The following MIGA1 variants were observed in gnomAD, a reference collection of about 807,000 sequenced individuals.
The protein encoded by MIGA1 is mitoguardin 1, also known as family with sequence similarity 73, member A.
A neutral mutation model predicts 82.0 loss-of-function variants in MIGA1; 58 were observed. The observed-to-expected ratio is 0.71, with a 90% CI of 0.57 to 0.88. The LOEUF (loss-of-function observed/expected upper bound fraction) is 0.88. MIGA1 is among the 40% of genes least tolerant of loss of function. The pLI, the probability that MIGA1 is intolerant of heterozygous loss-of-function variation, is 0.00. For synonymous variants in MIGA1, 249 were observed against 253.6 expected (o/e 0.98, Z 0.17); for missense variants, 751 against 749.1 (o/e 1.00, Z -0.03).
intron 2 of MIGA1, among the ~76,000 whole-genome samples, chr1:77,786,240 G>A (rs930883694): frequency 5.3e-5 from 8 of 152,206 alleles, no homozygotes; most frequent in African/African-American, 1.4e-4. Flanking sequence ...CACACAGCAC[G>A]GGGACACTGG....
intron 7 of MIGA1, among the ~76,000 whole-genome samples, chr1:77,840,727 G>T (rs576288589): frequency 6.6e-6 from 1 of 152,102 alleles, no homozygotes; most frequent in Non-Finnish European, 1.5e-5. Flanking sequence ...CAGGAGAATC[G>T]CTTGAATCTG....
chr1:77,825,400 C>T (rs1683992157), intron 7 of MIGA1, among the ~76,000 whole-genome samples: 1 of 152,138 alleles, frequency 6.6e-6, no homozygotes, highest in Admixed American at 6.6e-5. Flanking sequence ...AAACGTTTTC[C>T]TTATTCACTT....
Position 77,858,834 on chromosome 1 carries a change from G to A in MIGA1, c.997-104G>A, listed in dbSNP as rs189824343. 5.1e-5 allele frequency: 34 copies of A among 667,404 alleles called. No individual in the cohort carries two copies. In the East Asian group the frequency reaches 8.4e-4, roughly 16 times the overall value. 41.3% of individuals were successfully genotyped at this position (667,404 alleles called of 1,614,324 possible). ...AGGGTCTTACCATGTTACCCAGGCT[G>A]GTTTCAAACTTCTGGGTTCAAATGA... On this transcript the variant is annotated intron_variant, in intron 8 of 15. Transcript: ENST00000370791.
At chr1:77,871,637 AC>A (rs968843429) in intron 14 of MIGA1, among the ~76,000 whole-genome samples, 8 of 152,234 alleles carry the variant, frequency 5.3e-5, no homozygotes, top group African/African-American at 1.9e-4. Flanking sequence ...AACAAATCCC[AC>A]AGTGTGTTAT....
At position 77,866,330 on chromosome 1, in the gene MIGA1, G is replaced by A. The variant is rs1387203584; in HGVS notation, c.1510-8G>A. On this transcript the variant is annotated splice_region_variant and splice_polypyrimidine_tract_variant and intron_variant, in intron 13 of 15. Transcript: ENST00000370791. ...ATATAAATCTTTCTTTTCTCTGCAT[G>A]TATTTAGGCTGTGGCTTCAAGTTGT... is the stretch of plus-strand genomic sequence containing the variant. The A allele has an allele frequency of 8.7e-6, 14 of 1,613,536 alleles. No homozygotes were observed. Among genetic ancestry groups the A allele is most frequent in the Non-Finnish European group, 1.2e-5 (14 of 1,179,614 alleles).
chr1:77,863,755 A>C (rs1685557790), intron 12 of MIGA1, 139 bp from the exon 13 acceptor site: 2 of 591,382 alleles, frequency 3.4e-6, no homozygotes, highest in African/African-American at 2.0e-5. Context: ...TTTCATATTT[A>C]TCTCTCCTTT....
chr1:77,874,469 T>C (rs1646878218), intron 15 of MIGA1, among the ~76,000 whole-genome samples: 1 of 152,164 alleles, frequency 6.6e-6, no homozygotes, highest in South Asian at 2.1e-4. Flanking sequence ...AAAGGTCACA[T>C]TGAAGGGAAA....
At chr1:77,779,804 C>G in intron 1 of MIGA1, 68 bp downstream of exon 1, 1 of 1,490,360 alleles carries the variant, frequency 6.7e-7, no homozygotes, top group Admixed American at 2.2e-5. Flanking sequence ...AGCGGCCACG[C>G]AGTTGGGGCA....
intron 7 of MIGA1, among the ~76,000 whole-genome samples, chr1:77,820,342 A>G (rs1683754598): frequency 6.6e-6 from 1 of 152,176 alleles, no homozygotes; most frequent in Non-Finnish European, 1.5e-5. Flanking sequence ...ATTATCCTAC[A>G]TCTGTATAAT....
chr1:77,783,211 ATT>A lies in MIGA1; in HGVS notation c.82-20_82-19del, dbSNP rs764881791. On this transcript the variant is annotated intron_variant, in intron 1 of 15. Transcript: ENST00000370791. ...AAGTAACCAGAAATCTTTGTGGCTA[ATT>A]TTTTTTATGTTTCATTTAATGAAGA... is the stretch of plus-strand genomic sequence containing the variant. The A allele has an allele frequency of 2.0e-6, 3 of 1,464,498 alleles. No individual in the cohort carries two copies. The African/African-American group carries it at 4.2e-5, about 20-fold the overall frequency. 90.7% of individuals were successfully genotyped at this position (1,464,498 alleles called of 1,614,324 possible).
intron 2 of MIGA1, among the ~76,000 whole-genome samples, chr1:77,791,540 C>T (rs1436162041): frequency 6.7e-6 from 1 of 148,284 alleles, no homozygotes; most frequent in African/African-American, 2.5e-5. Context: ...GGGATAAATG[C>T]TCAGAAGTAG....
At chr1:77,780,996 C>T (rs938423789) in intron 1 of MIGA1, among the ~76,000 whole-genome samples, 15 of 151,148 alleles carry the variant, frequency 9.9e-5, no homozygotes, top group African/African-American at 3.6e-4. Context: ...AACCTCCGCC[C>T]CTAGGGTTCT....
intron 7 of MIGA1, among the ~76,000 whole-genome samples, chr1:77,831,526 A>G (rs1248366731): frequency 6.6e-6 from 1 of 152,074 alleles, no homozygotes; most frequent in Non-Finnish European, 1.5e-5. Context: ...ATTAGGCTTC[A>G]GTTGGCCACA....
intron 7 of MIGA1, among the ~76,000 whole-genome samples, chr1:77,829,395 G>GAT (rs1435333931): frequency 6.6e-6 from 1 of 152,176 alleles, no homozygotes; most frequent in Non-Finnish European, 1.5e-5. Context: ...AAGCTGTAGT[G>GAT]AGCTAGGATG....
chr1:77,869,823 C>T (rs1402707919), intron 14 of MIGA1, among the ~76,000 whole-genome samples: 2 of 96,738 alleles, frequency 2.1e-5, no homozygotes, highest in African/African-American at 4.3e-5. Context: ...CGGGCAGAGG[C>T]GCCCCTCACC....
intron 2 of MIGA1, among the ~76,000 whole-genome samples, chr1:77,793,337 A>G (rs1275543629): frequency 6.6e-6 from 1 of 152,004 alleles, no homozygotes; most frequent in African/African-American, 2.4e-5. Context: ...TCCTGAGCTC[A>G]AGCAGTCTGT....
intron 13 of MIGA1, 98 bp from the exon 14 acceptor site, chr1:77,866,240 T>C: frequency 2.8e-6 from 3 of 1,054,542 alleles, no homozygotes; most frequent in Non-Finnish European, 2.9e-6. Flanking sequence ...GTAATGAATG[T>C]ATTGAACGTT....
intron 8 of MIGA1, among the ~76,000 whole-genome samples, chr1:77,858,167 C>G (rs1230190665): frequency 6.6e-6 from 1 of 151,966 alleles, no homozygotes; most frequent in Non-Finnish European, 1.5e-5. Flanking sequence ...GCCAACATGG[C>G]AAAACCCCAT....
At chr1:77,848,351 A>T in intron 8 of MIGA1, 1 of 1,222,904 alleles carries the variant, frequency 8.2e-7, no homozygotes. Flanking sequence ...ACAGTGAGAA[A>T]GGAGAGAAGG....
Sources: allele counts gnomAD v4.1 joint callset (sites outside exome capture counted in the v4.1 genomes callset), GRCh38; gene constraint gnomAD v4.1.1; transcripts MANE v1.5; gene names NCBI Gene and HGNC (gene_info 2026-07-23, HGNC 2026-07-21).